CCNA1: variants seen among roughly 807,000 people sequenced by gnomAD.
The protein encoded by CCNA1 is cyclin-A1.
CCNA1 carries 23 observed loss-of-function variants against 54.1 expected under a neutral mutation model. The ratio of observed to expected loss-of-function variants is 0.42; its 90% confidence interval spans 0.31 to 0.60. The LOEUF is 0.60. Among genes scored for constraint, CCNA1 ranks in the 20% least tolerant of loss-of-function variants. CCNA1 has a pLI of 0.14. For missense variants in CCNA1, 450 were observed against 556.7 expected (o/e 0.81, Z 1.93); for synonymous variants, 208 against 213.9 (o/e 0.97, Z 0.24).
intron 7 of CCNA1, among the ~76,000 whole-genome samples, chr13:36,441,593 G>A (rs1476748746): frequency 6.6e-6 from 1 of 152,136 alleles, no homozygotes; most frequent in Admixed American, 6.5e-5. Flanking sequence ...CAATTAGGAT[G>A]GCCAGAAGAT....
upstream of CCNA1, chr13:36,432,380 T>G (rs990945720): frequency 1.7e-5 from 5 of 292,256 alleles, no homozygotes; most frequent in African/African-American, 9.1e-5. Context: ...GCCCTGCCCT[T>G]CCCTGCCCTT....
intron 5 of CCNA1, 55 bp downstream of exon 5, chr13:36,438,922 A>G: frequency 3.0e-6 from 4 of 1,316,822 alleles, no homozygotes; most frequent in South Asian, 1.2e-5. Flanking sequence ...AAAACATGGA[A>G]TTTTTGTCCT....
chr13:36,441,108 T>C lies in CCNA1; in HGVS notation c.1099-10T>C, dbSNP rs1035323198. Reference sequence around the variant, plus strand: ...TCTAATTCCAATGTGTTTTCTTCTCTTGTGCTTAGTACGTAGCAGAGCTGA... The same window carrying C: ...TCTAATTCCAATGTGTTTTCTTCTCCTGTGCTTAGTACGTAGCAGAGCTGA... On this transcript the variant is annotated splice_polypyrimidine_tract_variant and intron_variant, in intron 6 of 8. Transcript: ENST00000255465. 9.5e-6 allele frequency: 14 copies of C among 1,470,424 alleles called. No individual in the cohort carries two copies. Among genetic ancestry groups the C allele is most frequent in the Non-Finnish European group, 1.3e-5 (14 of 1,057,536 alleles). The allele number at this position is 1,470,424 out of a possible 1,614,324, so 91.1% of individuals were successfully genotyped here.
At chr13:36,436,377 G>C (rs77052157) in intron 2 of CCNA1, among the ~76,000 whole-genome samples, 2,626 of 152,218 alleles carry the variant, frequency 0.017, 75 homozygotes, top group African/African-American at 0.06. Context: ...TGCTCCTACT[G>C]TGTCTTTTCT....
chr13:36,432,789 C>T (rs1235267084), intron 1 of CCNA1, 60 bp downstream of exon 1: 2 of 1,193,862 alleles, frequency 1.7e-6, no homozygotes, highest in Non-Finnish European at 2.5e-6. Context: ...TCCTTCCAGC[C>T]CAACACGAAG....
intron 2 of CCNA1, among the ~76,000 whole-genome samples, chr13:36,433,427 TTTCTTTC>T (rs2055753518): frequency 2.7e-5 from 3 of 112,450 alleles, no homozygotes; most frequent in African/African-American, 1.1e-4. Flanking sequence ...TCTTTCTTTC[TTTCTTTC>T]TTTCTTTCGT....
intron 4 of CCNA1, 39 bp downstream of exon 4, chr13:36,438,230 GA>G (rs778313716): frequency 1.3e-6 from 2 of 1,577,960 alleles, no homozygotes; most frequent in African/African-American, 2.7e-5. Flanking sequence ...TTCAGGACCC[GA>G]GCTCTTATTA....
chr13:36,432,738 G>C lies in CCNA1; in HGVS notation c.108+9G>C, dbSNP rs374432649. 6.4e-6 allele frequency: 10 copies of C among 1,556,200 alleles called. No homozygotes were observed. Among genetic ancestry groups the C allele is most frequent in the Non-Finnish European group, 8.9e-6 (10 of 1,129,080 alleles). On this transcript the variant is annotated intron_variant, in intron 1 of 8. Coordinates refer to ENST00000255465, the MANE Select transcript of CCNA1 (RefSeq NM_003914.4). ...CAGATTTCGTCTTCCAGGTAACGTGGGTTTAGTATCCCGACTTGGAGGCTT... is the reference window on the plus strand; with the variant it reads ...CAGATTTCGTCTTCCAGGTAACGTGCGTTTAGTATCCCGACTTGGAGGCTT...
chr13:36,437,481 T>G, intron 2 of CCNA1, 148 bp from the exon 3 acceptor site: 3 of 489,406 alleles, frequency 6.1e-6, no homozygotes, highest in Non-Finnish European at 1.0e-5. Flanking sequence ...TTTGAAGACC[T>G]TTTTTTTTTG....
chr13:36,436,865 G>A (rs186011341), intron 2 of CCNA1, among the ~76,000 whole-genome samples: 6 of 152,300 alleles, frequency 3.9e-5, no homozygotes, highest in East Asian at 3.9e-4. Context: ...TGGCATTTGC[G>A]TAAATATAGC....
At chr13:36,441,060 T>C in intron 6 of CCNA1, 58 bp from the exon 7 acceptor site, 1 of 863,500 alleles carries the variant, frequency 1.2e-6, no homozygotes, top group Non-Finnish European at 1.9e-6. Flanking sequence ...ATTTCCAGGC[T>C]TACTTGTGAC....
chr13:36,442,820 G>C lies in CCNA1; in HGVS notation c.*155G>C. 1 of 650,936 alleles carries C rather than the reference G, an allele frequency of 1.5e-6. No individual in the cohort carries two copies. Among genetic ancestry groups the C allele is most frequent in the African/African-American group, 1.8e-5 (1 of 55,090 alleles). The allele number at this position is 650,936 out of a possible 1,614,324, so 40.3% of individuals were successfully genotyped here. ...ATTTAGTTTCCCTTAGACTTTAGTA[G>C]TTTGTAATATAGTCCAACATTTTTT... is the stretch of plus-strand genomic sequence containing the variant. On this transcript the variant is annotated 3_prime_UTR_variant, in exon 9 of 9. Coordinates refer to ENST00000255465, the MANE Select transcript of CCNA1 (RefSeq NM_003914.4).
intron 6 of CCNA1, 54 bp downstream of exon 6, chr13:36,440,237 C>T: frequency 2.9e-6 from 4 of 1,399,114 alleles, no homozygotes. Flanking sequence ...GCGTAAAAAT[C>T]AACCTTTCCC....
chr13:36,433,465 T>G (rs1200973410), intron 2 of CCNA1, among the ~76,000 whole-genome samples: 4 of 146,880 alleles, frequency 2.7e-5, no homozygotes, highest in African/African-American at 9.9e-5. Flanking sequence ...TTTCTTTTCT[T>G]TCTCTTTCTT....
intron 5 of CCNA1, among the ~76,000 whole-genome samples, chr13:36,439,507 A>G (rs1383144137): frequency 6.6e-6 from 1 of 152,260 alleles, no homozygotes; most frequent in African/African-American, 2.4e-5. Context: ...GTGAAATTAT[A>G]TCATTATGTC....
chr13:36,437,349 G>C (rs1024918398), intron 2 of CCNA1, among the ~76,000 whole-genome samples: 1 of 152,098 alleles, frequency 6.6e-6, no homozygotes, highest in Middle Eastern at 3.2e-3. Context: ...GAGAGCTATA[G>C]GTTTTCTTTT....
Position 36,438,781 on chromosome 13 carries a change from C to G in CCNA1, c.807C>G (p.Val269=), listed in dbSNP as rs183736861. 7 of 1,614,092 alleles carry G rather than the reference C, an allele frequency of 4.3e-6. No individual in the cohort carries two copies. In the Admixed American group the frequency reaches 1.2e-4, roughly 27 times the overall value. ...GAGCAGAGACCCTGTATCTGGCTGT[C>G]AACTTCCTGGACAGGTTCCTTTCAT... is the stretch of plus-strand genomic sequence containing the variant. Residue 269 remains valine (V), a synonymous_variant, in exon 5 of 9, where the codon GTC becomes GTG. Coordinates refer to ENST00000255465, the MANE Select transcript of CCNA1 (RefSeq NM_003914.4).
chr13:36,439,917 G>A, intron 5 of CCNA1, 62 bp from the exon 6 acceptor site: 1 of 1,125,216 alleles, frequency 8.9e-7, no homozygotes, highest in Non-Finnish European at 1.3e-6. Context: ...CGTGGCTTAT[G>A]GTAGCACAGG....
At chr13:36,439,437 A>G (rs2055849072) in intron 5 of CCNA1, among the ~76,000 whole-genome samples, 1 of 152,210 alleles carries the variant, frequency 6.6e-6, no homozygotes, top group Non-Finnish European at 1.5e-5. Context: ...ATGCAGAAAA[A>G]CTTGCCAAAA....
Sources: allele counts gnomAD v4.1 joint callset (sites outside exome capture counted in the v4.1 genomes callset), GRCh38; gene constraint gnomAD v4.1.1; transcripts MANE v1.5; gene names NCBI Gene and HGNC (gene_info 2026-07-23, HGNC 2026-07-21).